The following TEX26 variants were observed in gnomAD, a reference collection of about 807,000 sequenced individuals.
The protein encoded by TEX26 is testis expressed 26, also known as testis-expressed protein 26.
A neutral mutation model predicts 35.3 loss-of-function variants in TEX26; 34 were observed. The ratio of observed to expected loss-of-function variants is 0.96; its 90% CI spans 0.73 to 1.28. The LOEUF is 1.28. Ranked by LOEUF, TEX26 falls within the 50% of genes most tolerant of loss-of-function variation. TEX26 has a pLI of 0.00. For missense variants in TEX26, 371 were observed against 330.1 expected (o/e 1.12, Z -0.96); for synonymous variants, 136 against 111.8 (o/e 1.22, Z -1.36).
intron 6 of TEX26, chr13:30,973,499 G>A: frequency 6.6e-6 from 1 of 152,178 alleles, no homozygotes; most frequent in East Asian, 1.9e-4. Flanking sequence ...CAAAAGATTA[G>A]TGAATTTCAC....
chr13:30,972,412 C>A (rs7322403), intron 6 of TEX26, among the ~76,000 whole-genome samples: 3,962 of 152,156 alleles, frequency 0.026, 159 homozygotes, highest in African/African-American at 0.089. Flanking sequence ...CTTGGTGAAC[C>A]ATGTATGTAT....
At position 30,966,743 on chromosome 13, in the gene TEX26, C is replaced by T. The variant is rs375479104; in HGVS notation, c.646+345C>T. Reference sequence around the variant, plus strand: ...CTGGAGTTACAGGCATGAGCCCAGCCCAGCTGCAGTTTCTAAAACAACCTC... The same window carrying T: ...CTGGAGTTACAGGCATGAGCCCAGCTCAGCTGCAGTTTCTAAAACAACCTC... On this transcript the variant is annotated intron_variant, in intron 5 of 6. Transcript: ENST00000380473. Among the ~76,000 whole-genome samples, 93 of 152,112 alleles carry T rather than the reference C, an allele frequency of 6.1e-4. 3 individuals carry two copies. The South Asian group carries it at 0.019, about 31-fold the overall frequency.
At chr13:30,933,502 C>T (rs1953152031) in intron 1 of TEX26, 1 of 152,170 alleles carries the variant, frequency 6.6e-6, no homozygotes. Context: ...AATAATTGGC[C>T]ATTGCTGCTG....
intron 3 of TEX26, among the ~76,000 whole-genome samples, chr13:30,955,083 C>T (rs1954077194): frequency 6.8e-6 from 1 of 147,676 alleles, no homozygotes; most frequent in Admixed American, 6.8e-5. Flanking sequence ...TCAGGGGTGT[C>T]TAATCTTTTG....
chr13:30,964,515 G>T (rs550839261), intron 4 of TEX26, among the ~76,000 whole-genome samples: 3 of 152,316 alleles, frequency 2.0e-5, no homozygotes, highest in South Asian at 4.1e-4. Context: ...ACTATTGAAT[G>T]GTAGCTCTAG....
intron 3 of TEX26, among the ~76,000 whole-genome samples, chr13:30,955,696 C>A (rs1452051628): frequency 6.6e-6 from 1 of 152,140 alleles, no homozygotes; most frequent in East Asian, 1.9e-4. Flanking sequence ...TGGCAATGAT[C>A]CAGCAGAGAG....
rs1427827646 is a variant in TEX26, at chr13:30,958,175, G to A, written c.469+1146G>A. 3.3e-5 allele frequency among the ~76,000 whole-genome samples: 5 copies of A among 152,130 alleles called. No individual in the cohort carries two copies. In the East Asian group the frequency reaches 9.6e-4, roughly 29 times the overall value. Reference sequence around the variant, plus strand: ...ACACCTTTGACTGTTTTTTTGTAGGGTAAGTAGAGATGACATCATAGCTTC... The same window carrying A: ...ACACCTTTGACTGTTTTTTTGTAGGATAAGTAGAGATGACATCATAGCTTC... On this transcript the variant is annotated intron_variant, in intron 4 of 6. Transcript: ENST00000380473.
intron 3 of TEX26, among the ~76,000 whole-genome samples, chr13:30,954,151 G>A (rs1456795975): frequency 6.6e-6 from 1 of 151,920 alleles, no homozygotes; most frequent in Non-Finnish European, 1.5e-5. Flanking sequence ...GGAGAGATGA[G>A]CTGGACATAT....
rs138204345 is a variant in TEX26 at position 30,947,854 on chromosome 13, G to A, written c.147-4806G>A. On this transcript the variant is annotated intron_variant, in intron 2 of 6. Transcript: ENST00000380473. ...GCTGCACCCATTAACTCGTCATTTAGCATTAGGTATATCTCGTAATGCTAT... is the reference window on the plus strand; with the variant it reads ...GCTGCACCCATTAACTCGTCATTTAACATTAGGTATATCTCGTAATGCTAT... Among the ~76,000 whole-genome samples the A allele has an allele frequency of 9.9e-5, 15 of 151,956 alleles. No individual in the cohort carries two copies. In the East Asian group the frequency reaches 2.1e-3, roughly 22 times the overall value.
At chr13:30,956,551 G>T (rs935575001) in intron 3 of TEX26, among the ~76,000 whole-genome samples, 4 of 152,176 alleles carry the variant, frequency 2.6e-5, no homozygotes, top group African/African-American at 9.7e-5. Flanking sequence ...TGCTCCTTGG[G>T]AATGGCCAGA....
Position 30,939,706 on chromosome 13 carries a change from A to T in TEX26, c.74A>T (p.Asn25Ile). The T allele has an allele frequency of 6.2e-7, 1 of 1,614,044 alleles. No individual in the cohort carries two copies. Among genetic ancestry groups the T allele is most frequent in the South Asian group, 1.1e-5 (1 of 91,082 alleles). ...HHNLQPTDDP[N>I]WDSYATTMRT... ...ATTGTACTTTTAGCAGATGACCCCA[A>T]CTGGGATTCCTATGCTACCACTATG... Residue 25 changes from asparagine (N) to isoleucine (I), a missense_variant, in exon 2 of 7, where the codon AAC becomes ATC. By Grantham distance (149) the Asn-to-Ile change is moderately radical. Transcript: ENST00000380473.
At chr13:30,947,586 G>C (rs58802554) in intron 2 of TEX26, among the ~76,000 whole-genome samples, 2,823 of 152,096 alleles carry the variant, frequency 0.019, 41 homozygotes, top group African/African-American at 0.038. Context: ...CCCTGTCTCA[G>C]TTTCTGAGAA....
chr13:30,939,840 A>G (rs1953413054), intron 2 of TEX26, 62 bp downstream of exon 2: 1 of 1,443,618 alleles, frequency 6.9e-7, no homozygotes, highest in South Asian at 1.2e-5. Context: ...GTCTTTTATG[A>G]CTCAGAATCC....
rs1201736947 is a variant in TEX26, at chr13:30,932,747, CCT to C, written c.39_40del (p.Cys14ProfsTer9). On this transcript the variant is annotated frameshift_variant, in exon 1 of 7. Transcript: ENST00000380473. LOFTEE classifies it high-confidence loss of function. Reference sequence around the variant, plus strand: ...CAGCCTGGGCCCAGGGCTCCGGATCCCTCTCTCTGCCACCACAACCTCCAGCC... The same window carrying C: ...CAGCCTGGGCCCAGGGCTCCGGATCCCTCTCTGCCACCACAACCTCCAGCC... 7.4e-6 allele frequency: 12 copies of C among 1,613,746 alleles called. No individual in the cohort carries two copies. The African/African-American group carries it at 1.2e-4, about 16-fold the overall frequency.
intron 3 of TEX26, among the ~76,000 whole-genome samples, chr13:30,953,753 G>C (rs565960373): frequency 6.6e-6 from 1 of 152,160 alleles, no homozygotes; most frequent in Non-Finnish European, 1.5e-5. Flanking sequence ...CTGATTCTCC[G>C]TGTGTGTTTT....
intron 2 of TEX26, among the ~76,000 whole-genome samples, chr13:30,940,365 G>T (rs1276709928): frequency 9.4e-6 from 1 of 106,594 alleles, no homozygotes; most frequent in South Asian, 3.3e-4. Context: ...ACAGAGTCTC[G>T]CTCTGTCGCC....
At chr13:30,950,947 T>C (rs781468237) in intron 2 of TEX26, among the ~76,000 whole-genome samples, 7 of 152,216 alleles carry the variant, frequency 4.6e-5, no homozygotes, top group Non-Finnish European at 8.8e-5. Flanking sequence ...AGAACCCACA[T>C]ACATTTGCAG....
intron 6 of TEX26, among the ~76,000 whole-genome samples, chr13:30,969,857 AG>A (rs540043139): frequency 2.0e-3 from 288 of 145,356 alleles, no homozygotes; most frequent in African/African-American, 7.8e-3. Context: ...TATCAATAAA[AG>A]TCTAATATTT....
intron 5 of TEX26, among the ~76,000 whole-genome samples, chr13:30,967,105 T>C (rs1303005689): frequency 6.6e-6 from 1 of 152,194 alleles, no homozygotes; most frequent in Non-Finnish European, 1.5e-5. Context: ...ATTGGAAGTG[T>C]ATCCACATGT....
Sources: allele counts gnomAD v4.1 joint callset (sites outside exome capture counted in the v4.1 genomes callset), GRCh38; gene constraint gnomAD v4.1.1; transcripts MANE v1.5; gene names NCBI Gene and HGNC (gene_info 2026-07-23, HGNC 2026-07-21).